SYNJ2: variants seen among roughly 807,000 people sequenced by gnomAD.
SYNJ2 encodes polyphosphatidylinositol phosphatase SYNJ2.
A neutral mutation model predicts 141.3 loss-of-function variants in SYNJ2; 116 were observed. The ratio of observed to expected loss-of-function variants is 0.82; its 90% confidence interval spans 0.71 to 0.96. The LOEUF (loss-of-function observed/expected upper bound fraction) is 0.96. SYNJ2 is among the 40% of genes least tolerant of loss of function. The pLI is 0.00. For missense variants in SYNJ2, 1,873 were observed against 1,934.8 expected (o/e 0.97, Z 0.60); for synonymous variants, 745 against 777.7 (o/e 0.96, Z 0.70).
rs61746418 is a variant in SYNJ2 at position 158,062,091 on chromosome 6, C to G, written c.1054C>G (p.Leu352Val). ...TGGGAAGCTAGAGAAATTGGAGACCCTCTTGAGGCCACAGTTAAAGCTGCA... is the reference window on the plus strand; with the variant it reads ...TGGGAAGCTAGAGAAATTGGAGACCGTCTTGAGGCCACAGTTAAAGCTGCA... ...KGGKLEKLET[L>V]LRPQLKLHWE... Residue 352 changes from leucine to valine, a missense_variant, in exon 8 of 27, where the codon CTC (leucine) becomes GTC (valine). Leu to Val is a conservative substitution (Grantham distance 32). Coordinates refer to ENST00000355585, the MANE Select transcript of SYNJ2 (RefSeq NM_003898.4). The G allele has an allele frequency of 6.2e-7, 1 of 1,614,186 alleles. No homozygotes were observed. Among genetic ancestry groups the G allele is most frequent in the South Asian group, 1.1e-5 (1 of 91,082 alleles).
At chr6:158,062,602 C>T (rs1260535881) in intron 8 of SYNJ2, among the ~76,000 whole-genome samples, 1 of 152,128 alleles carries the variant, frequency 6.6e-6, no homozygotes, top group Non-Finnish European at 1.5e-5. Context: ...AGGGTATGGA[C>T]TTCCCTGTTC....
At chr6:158,033,759 C>T in intron 4 of SYNJ2, 79 bp downstream of exon 4, 2 of 1,409,378 alleles carry the variant, frequency 1.4e-6, no homozygotes, top group East Asian at 2.3e-5. Flanking sequence ...CCACTTGGGG[C>T]AGAAGAGGCC....
At position 158,092,964 on chromosome 6, in the gene SYNJ2, G is replaced by A. The variant is rs1393016255; in HGVS notation, c.3604G>A (p.Asp1202Asn). 15 of 1,609,100 alleles carry A rather than the reference G, an allele frequency of 9.3e-6. No homozygotes were observed. Among genetic ancestry groups the A allele is most frequent in the Non-Finnish European group, 1.3e-5 (15 of 1,178,774 alleles). ...AGCCCTAAGTGCCGTGGCCCCAAGG[G>A]ACCTTGAAGCATCCTCTGAACCAGA... ...EEALSAVAPR[D>N]LEASSEPEPT... Residue 1202 changes from aspartate (D) to asparagine (N), a missense_variant, in exon 26 of 27, where the codon GAC becomes AAC. Transcript: ENST00000355585.
At position 158,071,550 on chromosome 6, in the gene SYNJ2, G is replaced by T; in HGVS notation, c.1941-52G>T. The T allele has an allele frequency of 6.4e-7, 1 of 1,574,644 alleles. No individual in the cohort carries two copies. ...GGGCCCTTCTCTGTGGCAAAGCAGG[G>T]TCACACTTCTCCTTCAGGAGCCGAC... On this transcript the variant is annotated intron_variant, in intron 14 of 26. Transcript: ENST00000355585. The surrounding 1 kb of genome is among the most constrained non-coding windows in gnomAD (Gnocchi z 4.3).
rs763977442 is a variant in SYNJ2 at position 158,043,430 on chromosome 6, T to C, written c.795+31T>C. The C allele has an allele frequency of 1.0e-5, 16 of 1,536,704 alleles. No homozygotes were observed. The highest frequency in any genetic ancestry group is 1.4e-5 in the Non-Finnish European group (15 of 1,110,648). ...TCATGAAAAAACTTAAATGTCCCCTTGTGATGTTGTCCGCCCTGCCCTTCC... is the reference window on the plus strand; with the variant it reads ...TCATGAAAAAACTTAAATGTCCCCTCGTGATGTTGTCCGCCCTGCCCTTCC... On this transcript the variant is annotated intron_variant, in intron 5 of 26. Transcript: ENST00000355585. The surrounding 1 kb of genome is among the most constrained non-coding windows in gnomAD (Gnocchi z 4.0).
chr6:158,017,403 T>TTA, intron 2 of SYNJ2, 113 bp downstream of exon 2: 12 of 1,014,378 alleles, frequency 1.2e-5, no homozygotes, highest in Non-Finnish European at 1.5e-5. Flanking sequence ...TCTCTCTCTC[T>TTA]TCTTTTTTTT....
In SYNJ2 at chr6:158,043,414, A is replaced by C. The variant is rs915341705; in HGVS notation, c.795+15A>C. On this transcript the variant is annotated intron_variant, in intron 5 of 26. Transcript: ENST00000355585. This position sits in a 1 kb window ranked among gnomAD's most constrained non-coding sequence, Gnocchi z 4.0. ...CAGGGCTTCAGGTAGGTCATGAAAAAACTTAAATGTCCCCTTGTGATGTTG... is the reference window on the plus strand; with the variant it reads ...CAGGGCTTCAGGTAGGTCATGAAAACACTTAAATGTCCCCTTGTGATGTTG... 1 of 1,602,604 alleles carries C rather than the reference A, an allele frequency of 6.2e-7. No individual in the cohort carries two copies. The highest frequency in any genetic ancestry group is 1.1e-5 in the South Asian group (1 of 90,736).
At chr6:158,085,615 C>G (rs779175244) in intron 22 of SYNJ2, among the ~76,000 whole-genome samples, 9 of 152,162 alleles carry the variant, frequency 5.9e-5, no homozygotes, top group Non-Finnish European at 1.3e-4. Flanking sequence ...ACCTCCAGCC[C>G]CTTTGACCGT....
intron 23 of SYNJ2, among the ~76,000 whole-genome samples, chr6:158,087,280 G>C (rs919637386): frequency 2.0e-5 from 3 of 152,190 alleles, no homozygotes; most frequent in African/African-American, 4.8e-5. Context: ...ATGCAGAATG[G>C]GGGCCGCAGC....
rs927520709 is a variant in SYNJ2, at chr6:158,083,889, C to T, written c.3035-112C>T. ...CTGCTGGCGCCTGGGCCCTGAGCTG[C>T]AGGGCAGGGTGCACGTGTCCTGACA... is the stretch of plus-strand genomic sequence containing the variant. On this transcript the variant is annotated intron_variant, in intron 21 of 26. Coordinates refer to ENST00000355585, the MANE Select transcript of SYNJ2 (RefSeq NM_003898.4). 11 of 1,281,426 alleles carry T rather than the reference C, an allele frequency of 8.6e-6. No individual in the cohort carries two copies. In the African/African-American group the frequency reaches 1.5e-4, roughly 17 times the overall value. The allele number at this position is 1,281,426 out of a possible 1,614,324, so 79.4% of individuals were successfully genotyped here.
chr6:158,024,938 T>C (rs62439361), intron 2 of SYNJ2, among the ~76,000 whole-genome samples: 3,395 of 152,276 alleles, frequency 0.022, 58 homozygotes, highest in Non-Finnish European at 0.031. Flanking sequence ...CACTGCACAA[T>C]ATATTATTTA....
rs1780035646 is a variant in SYNJ2, at chr6:158,043,080, C to T, written c.712-236C>T. 6.6e-6 allele frequency among the ~76,000 whole-genome samples: 1 copy of T among 152,090 alleles called. No homozygotes were observed. Among genetic ancestry groups the T allele is most frequent in the Non-Finnish European group, 1.5e-5 (1 of 67,998 alleles). ...TGAATTCCCGGAGACCCTGGGAGGC[C>T]CCAACCCCCAGCAGACCCCCTCCTC... On this transcript the variant is annotated intron_variant, in intron 4 of 26. Transcript: ENST00000355585. This position sits in a 1 kb window ranked among gnomAD's most constrained non-coding sequence, Gnocchi z 4.0.
intron 1 of SYNJ2, among the ~76,000 whole-genome samples, chr6:157,985,524 G>A (rs1208852827): frequency 2.0e-5 from 3 of 152,202 alleles, no homozygotes; most frequent in Admixed American, 1.3e-4. Context: ...CCCCGTAGCC[G>A]GTACCAGCAT....
intron 6 of SYNJ2, among the ~76,000 whole-genome samples, chr6:158,058,643 T>C (rs1029811304): frequency 3.3e-5 from 5 of 152,230 alleles, no homozygotes; most frequent in African/African-American, 1.2e-4. Context: ...TGTAAGACTC[T>C]AGCCCAGGCA....
rs1780036542 is a variant in SYNJ2, at chr6:158,043,088, C to G, written c.712-228C>G. Among the ~76,000 whole-genome samples, 1 of 152,146 alleles carries G rather than the reference C, an allele frequency of 6.6e-6. No individual in the cohort carries two copies. The highest frequency in any genetic ancestry group is 6.5e-5 in the Admixed American group (1 of 15,282). ...CGGAGACCCTGGGAGGCCCCAACCC[C>G]CAGCAGACCCCCTCCTCAGAGGCTG... On this transcript the variant is annotated intron_variant, in intron 4 of 26. Transcript: ENST00000355585. This position sits in a 1 kb window ranked among gnomAD's most constrained non-coding sequence, Gnocchi z 4.0.
intron 17 of SYNJ2, among the ~76,000 whole-genome samples, chr6:158,077,366 C>T (rs1047906550): frequency 1.9e-4 from 29 of 152,244 alleles, no homozygotes; most frequent in African/African-American, 6.7e-4. Context: ...TCACAGCTCC[C>T]CCCCACACCC....
At chr6:158,037,687 C>T (rs1234705426) in intron 4 of SYNJ2, among the ~76,000 whole-genome samples, 1 of 152,154 alleles carries the variant, frequency 6.6e-6, no homozygotes, top group African/African-American at 2.4e-5. Context: ...AGGTGTGAGC[C>T]ACTGAGCCCG....
intron 14 of SYNJ2, among the ~76,000 whole-genome samples, 167 bp downstream of exon 14, chr6:158,069,840 T>C (rs924967194): frequency 7.9e-5 from 12 of 152,154 alleles, no homozygotes; most frequent in African/African-American, 2.9e-4. Flanking sequence ...CTGGGCTGAA[T>C]AGAATATTGT....
chr6:157,984,945 C>T (rs574361282), intron 1 of SYNJ2, among the ~76,000 whole-genome samples: 3 of 151,816 alleles, frequency 2.0e-5, no homozygotes, highest in African/African-American at 7.2e-5. Flanking sequence ...TGGTCTTTCC[C>T]GGCCCCTGAG....
Sources: allele counts gnomAD v4.1 joint callset (sites outside exome capture counted in the v4.1 genomes callset), GRCh38; gene constraint gnomAD v4.1.1; non-coding constraint Gnocchi (gnomAD v3.1); transcripts MANE v1.5; gene names NCBI Gene and HGNC (gene_info 2026-07-23, HGNC 2026-07-21).